The following AGBL4 variants were observed in gnomAD, a reference collection of about 807,000 sequenced individuals.
AGBL4 encodes the protein AGBL carboxypeptidase 4, also known as cytosolic carboxypeptidase 6.
AGBL4 carries 58 observed loss-of-function variants against 66.4 expected under a neutral mutation model. The ratio of observed to expected loss-of-function variants is 0.87; its 90% CI spans 0.71 to 1.09. The LOEUF (loss-of-function observed/expected upper bound fraction) is 1.09, where lower values mean the gene tolerates loss of function less well. Among genes scored for constraint, AGBL4 ranks in the 50% least tolerant of loss-of-function variants. The pLI, the probability that AGBL4 is intolerant of heterozygous loss-of-function variation, is 0.00. For synonymous variants in AGBL4, 234 were observed against 222.9 expected, an observed-to-expected ratio of 1.05 and a Z score of -0.44; for missense variants, 579 against 631.0, an observed-to-expected ratio of 0.92 and a Z score of 0.88.
At chr1:49,276,424 T>C (rs1348339282) in intron 3 of AGBL4, among the ~76,000 whole-genome samples, 1 of 152,140 alleles carries the variant, frequency 6.6e-6, no homozygotes, top group African/African-American at 2.4e-5. Context: ...AAATATTTTA[T>C]CCCAAAATAT....
intron 6 of AGBL4, among the ~76,000 whole-genome samples, chr1:48,700,604 G>T (rs1646786201): frequency 6.6e-6 from 1 of 152,192 alleles, no homozygotes; most frequent in African/African-American, 2.4e-5. Flanking sequence ...CACACTATCT[G>T]CATGTCCCTC....
At chr1:49,425,540 T>C (rs1399412520) in intron 3 of AGBL4, among the ~76,000 whole-genome samples, 1 of 152,246 alleles carries the variant, frequency 6.6e-6, no homozygotes, top group African/African-American at 2.4e-5. Context: ...TCTAGCTCAA[T>C]ACTAGCTTTC....
chr1:48,608,743 G>A lies in AGBL4; in HGVS notation c.952-17758C>T, dbSNP rs1270638158. On this transcript the variant is annotated intron_variant, in intron 9 of 13. Coordinates refer to ENST00000371839, the MANE Select transcript of AGBL4 (RefSeq NM_032785.4). ...TCTGATCCTCTAGAAGGCTGGTATT[G>A]TTTCTGATTTATTATAAACTCCCTC... Among the ~76,000 whole-genome samples the A allele has an allele frequency of 5.9e-5, 9 of 152,122 alleles. No individual in the cohort carries two copies. In the East Asian group the frequency reaches 1.7e-3, roughly 29 times the overall value.
At chr1:48,884,097 T>G (rs1650055031) in intron 5 of AGBL4, among the ~76,000 whole-genome samples, 1 of 152,214 alleles carries the variant, frequency 6.6e-6, no homozygotes, top group South Asian at 2.1e-4. Flanking sequence ...GACTCATGGC[T>G]CTGCCTTTTT....
chr1:48,742,737 T>G, intron 6 of AGBL4: 1 of 1,607,294 alleles, frequency 6.2e-7, no homozygotes, highest in Non-Finnish European at 8.5e-7. Context: ...GCTCGAGACA[T>G]TCTGACTTTA....
intron 2 of AGBL4, among the ~76,000 whole-genome samples, chr1:49,746,937 ATACT>A (rs1236009961): frequency 2.6e-5 from 4 of 152,138 alleles, no homozygotes; most frequent in African/African-American, 9.7e-5. Flanking sequence ...TGCCCATAAG[ATACT>A]TACAAGTAGG....
chr1:49,270,036 G>T (rs1260655583), intron 3 of AGBL4, among the ~76,000 whole-genome samples: 1 of 152,062 alleles, frequency 6.6e-6, no homozygotes, highest in Non-Finnish European at 1.5e-5. Context: ...GTGCAATCTG[G>T]TCAAGCAGAT....
At chr1:49,552,251 C>T (rs1011979090) in intron 3 of AGBL4, among the ~76,000 whole-genome samples, 3 of 152,148 alleles carry the variant, frequency 2.0e-5, no homozygotes, top group Non-Finnish European at 4.4e-5. Context: ...GAAAAAAAAG[C>T]TTGGTTCTTC....
chr1:49,122,070 G>A (rs534046902), intron 4 of AGBL4, among the ~76,000 whole-genome samples: 10 of 152,358 alleles, frequency 6.6e-5, no homozygotes, highest in South Asian at 4.1e-4. Context: ...TGGGAAAAGC[G>A]CAGTATTTGG....
At chr1:48,653,880 G>C (rs1645974093) in intron 7 of AGBL4, among the ~76,000 whole-genome samples, 1 of 152,182 alleles carries the variant, frequency 6.6e-6, no homozygotes, top group African/African-American at 2.4e-5. Flanking sequence ...GATAATCACA[G>C]GGTCAAGGCC....
At chr1:48,950,238 A>G (rs1264906722) in intron 5 of AGBL4, among the ~76,000 whole-genome samples, 1 of 152,122 alleles carries the variant, frequency 6.6e-6, no homozygotes, top group African/African-American at 2.4e-5. Context: ...CTGGGGTTAC[A>G]GGCGTGTGCC....
chr1:48,928,756 A>AAT (rs1164181123), intron 5 of AGBL4, among the ~76,000 whole-genome samples: 1 of 151,712 alleles, frequency 6.6e-6, no homozygotes, highest in East Asian at 1.9e-4. Context: ...TAATAGACAT[A>AAT]ATATATATAG....
intron 4 of AGBL4, among the ~76,000 whole-genome samples, chr1:49,193,993 T>C (rs1466015914): frequency 2.0e-5 from 3 of 152,190 alleles, no homozygotes; most frequent in Non-Finnish European, 2.9e-5. Context: ...CATTCTGCAA[T>C]TGTTTTATCA....
At chr1:49,075,122 GT>G (rs1198060621) in intron 4 of AGBL4, among the ~76,000 whole-genome samples, 2 of 152,096 alleles carry the variant, frequency 1.3e-5, no homozygotes, top group Admixed American at 6.6e-5. Context: ...TGAACATAAT[GT>G]TTTTTGAACA....
At chr1:49,280,739 A>T (rs550326738) in intron 3 of AGBL4, among the ~76,000 whole-genome samples, 23 of 152,324 alleles carry the variant, frequency 1.5e-4, no homozygotes, top group Middle Eastern at 3.4e-3. Context: ...CTTTATTTTT[A>T]AAAAAATTGT....
chr1:49,483,886 A>G (rs1647008773), intron 3 of AGBL4, among the ~76,000 whole-genome samples: 1 of 152,074 alleles, frequency 6.6e-6, no homozygotes, highest in Admixed American at 6.6e-5. Context: ...ATATATAAAG[A>G]GCTCAAACAA....
chr1:49,247,660 G>T (rs1651752384), intron 3 of AGBL4, among the ~76,000 whole-genome samples: 1 of 152,042 alleles, frequency 6.6e-6, no homozygotes, highest in South Asian at 2.1e-4. Flanking sequence ...TCAGGTTCTA[G>T]ATTATTGATA....
intron 5 of AGBL4, among the ~76,000 whole-genome samples, chr1:48,986,701 G>A (rs758927775): frequency 1.3e-4 from 20 of 152,024 alleles, no homozygotes; most frequent in Non-Finnish European, 2.4e-4. Context: ...TGGAAATATG[G>A]ATACCAGATG....
intron 5 of AGBL4, among the ~76,000 whole-genome samples, chr1:48,905,588 C>T (rs992320800): frequency 2.8e-4 from 42 of 152,278 alleles, no homozygotes; most frequent in Admixed American, 1.9e-3. Context: ...AAATTTTATT[C>T]TCTCAATAAC....
Sources: gnomAD v4.1 joint callset for allele counts (sites outside exome capture counted in the v4.1 genomes callset) on GRCh38, gnomAD v4.1.1 for gene constraint, MANE v1.5 for transcripts, NCBI Gene and HGNC (gene_info 2026-07-23, HGNC 2026-07-21) for gene names.